The following FAM222A variants were observed in gnomAD, a reference collection of about 807,000 sequenced individuals.
The protein encoded by FAM222A is protein FAM222A.
Under a neutral mutation model 25.8 loss-of-function variants are expected in FAM222A, and 7 were observed. That is an observed-to-expected ratio of 0.27 (90% confidence interval 0.15 to 0.51). FAM222A has a LOEUF of 0.51. FAM222A is among the 20% of genes least tolerant of loss of function. FAM222A has a pLI of 0.97. For missense variants in FAM222A, 573 were observed against 640.5 expected, an observed-to-expected ratio of 0.89 and a Z score of 1.14; for synonymous variants, 294 against 298.8, an observed-to-expected ratio of 0.98 and a Z score of 0.17.
rs571039523 is a variant in FAM222A, at chr12:109,749,671, G to A, written c.82+5443G>A. On this transcript the variant is annotated intron_variant, in intron 2 of 2. Transcript: ENST00000538780. The stretch of plus-strand genomic sequence containing the variant: ...ACTTACCTGTCATGAATAGAGAAAG[G>A]AACTAGACACCTACTGCTAACATGT... 7.2e-5 allele frequency among the ~76,000 whole-genome samples: 11 copies of A among 152,260 alleles called. 1 individual carries two copies. In the South Asian group the frequency reaches 2.3e-3, roughly 32 times the overall value.
In FAM222A at chr12:109,744,211, G is replaced by A; in HGVS notation, c.65G>A (p.Ser22Asn). Reference protein sequence around the residue: ...PGQHLACPSKSLELRKCEAVA... With the variant: ...PGQHLACPSKNLELRKCEAVA... ...CAACACCTGGCCTGCCCGAGCAAGA[G>A]CCTGGAGCTGCGCAAGTGTGAGTAG... The change falls in exon 2 of 3, where the codon AGC (serine) becomes AAC (asparagine). Residue 22 changes from serine to asparagine, a missense_variant. Ser to Asn is a conservative substitution (Grantham distance 46). This residue lies in a region of FAM222A where 112 missense variants were observed against 154.6 expected (regional missense o/e 0.72). Transcript: ENST00000538780. 1.2e-6 allele frequency: 2 copies of A among 1,613,158 alleles called. No homozygotes were observed. Among genetic ancestry groups the A allele is most frequent in the South Asian group, 1.1e-5 (1 of 91,042 alleles).
chr12:109,748,938 CTT>C (rs996595953), intron 2 of FAM222A, among the ~76,000 whole-genome samples: 35 of 152,112 alleles, frequency 2.3e-4, no homozygotes, highest in Admixed American at 1.2e-3. Context: ...TTACATTAAT[CTT>C]TTTTTAAAAA....
At chr12:109,741,734 A>G (rs2136339317) in intron 1 of FAM222A, among the ~76,000 whole-genome samples, 1 of 152,334 alleles carries the variant, frequency 6.6e-6, no homozygotes, top group East Asian at 1.9e-4. Flanking sequence ...AGCCACTGTT[A>G]CAGGCCAGAG....
chr12:109,743,851 G>A (rs935360350), intron 1 of FAM222A: 24 of 985,300 alleles, frequency 2.4e-5, no homozygotes, highest in African/African-American at 7.0e-5. Context: ...GAGCAGGGCC[G>A]GGGCATGTGT....
At chr12:109,715,466 G>A (rs918293886) in intron 1 of FAM222A, among the ~76,000 whole-genome samples, 1 of 152,176 alleles carries the variant, frequency 6.6e-6, no homozygotes, top group African/African-American at 2.4e-5. Context: ...CTTAGCCTCT[G>A]ATGTCACTGG....
intron 1 of FAM222A, among the ~76,000 whole-genome samples, chr12:109,733,158 C>T (rs1887988469): frequency 6.6e-6 from 1 of 152,080 alleles, no homozygotes; most frequent in African/African-American, 2.4e-5. Context: ...GTTGCACTGT[C>T]CACAGGTGGC....
intron 2 of FAM222A, among the ~76,000 whole-genome samples, chr12:109,751,310 G>T (rs1279820883): frequency 6.6e-6 from 1 of 151,736 alleles, no homozygotes; most frequent in African/African-American, 2.4e-5. Context: ...TGAAATACTT[G>T]TCTATGATCT....
In FAM222A at chr12:109,745,084, G is replaced by A. The variant is rs373108776; in HGVS notation, c.82+856G>A. On this transcript the variant is annotated intron_variant, in intron 2 of 2. Transcript: ENST00000538780. ...ACATATTCATGTTATGCAACACTTGGAGGAAGGAAGGGGTATATAGACAAA... is the reference window on the plus strand; with the variant it reads ...ACATATTCATGTTATGCAACACTTGAAGGAAGGAAGGGGTATATAGACAAA... Among the ~76,000 whole-genome samples the A allele has an allele frequency of 2.6e-5, 4 of 152,158 alleles. No homozygotes were observed. In the East Asian group the frequency reaches 5.8e-4, roughly 22 times the overall value.
chr12:109,720,020 C>T, intron 1 of FAM222A: 3 of 888,012 alleles, frequency 3.4e-6, no homozygotes, highest in Non-Finnish European at 4.0e-6. Flanking sequence ...TCAGGAGAGT[C>T]TCAACAGCTT....
intron 2 of FAM222A, among the ~76,000 whole-genome samples, chr12:109,754,921 T>G (rs1408175809): frequency 6.6e-6 from 1 of 152,198 alleles, no homozygotes; most frequent in Non-Finnish European, 1.5e-5. Context: ...TCCTCCTGCC[T>G]CAGCCTCCCA....
chr12:109,727,910 G>A (rs1387755577), intron 1 of FAM222A, among the ~76,000 whole-genome samples: 3 of 152,166 alleles, frequency 2.0e-5, no homozygotes, highest in African/African-American at 4.8e-5. Context: ...CAATCGTGGC[G>A]GGACTCTGGG....
chr12:109,753,914 G>A (rs1418421817), intron 2 of FAM222A, among the ~76,000 whole-genome samples: 1 of 152,196 alleles, frequency 6.6e-6, no homozygotes, highest in Non-Finnish European at 1.5e-5. Flanking sequence ...ATTGCTGAGT[G>A]CAGCCTGAGG....
At chr12:109,745,457 T>C (rs1888373403) in intron 2 of FAM222A, among the ~76,000 whole-genome samples, 1 of 152,182 alleles carries the variant, frequency 6.6e-6, no homozygotes, top group African/African-American at 2.4e-5. Context: ...GCAGGGTACA[T>C]TTCTGGAAGT....
chr12:109,758,700 A>C (rs1273742440), intron 2 of FAM222A, among the ~76,000 whole-genome samples: 2 of 152,102 alleles, frequency 1.3e-5, no homozygotes, highest in Non-Finnish European at 2.9e-5. Flanking sequence ...CCAGCTAATT[A>C]GTGTCACGTT....
Position 109,768,942 on chromosome 12 carries a change from G to C in FAM222A, c.1013G>C (p.Ser338Thr). The change falls in exon 3 of 3, where the codon AGC (serine) becomes ACC (threonine). Residue 338 changes from serine (S) to threonine (T), a missense_variant. Ser to Thr is a moderately conservative substitution (Grantham distance 58). This residue lies in a region of FAM222A where 412 missense variants were observed against 407.0 expected (regional missense o/e 1.01). Transcript: ENST00000538780. ...PLNCGVGLPT[S>T]FTVGQYFAAP... Reference sequence around the variant, plus strand: ...AACTGTGGCGTGGGGCTGCCCACCAGCTTCACCGTAGGCCAGTACTTTGCG... The same window carrying C: ...AACTGTGGCGTGGGGCTGCCCACCACCTTCACCGTAGGCCAGTACTTTGCG... 6.4e-7 allele frequency: 1 copy of C among 1,574,620 alleles called. No homozygotes were observed. The highest frequency in any genetic ancestry group is 1.1e-5 in the South Asian group (1 of 87,360).
chr12:109,755,672 G>T (rs1237658314), intron 2 of FAM222A, among the ~76,000 whole-genome samples: 1 of 152,152 alleles, frequency 6.6e-6, no homozygotes, highest in Non-Finnish European at 1.5e-5. Context: ...ATGAGGAAAG[G>T]ATCCGACTTC....
chr12:109,739,011 A>G (rs766875325), intron 1 of FAM222A, among the ~76,000 whole-genome samples: 1 of 152,218 alleles, frequency 6.6e-6, no homozygotes, highest in Non-Finnish European at 1.5e-5. Flanking sequence ...GTTGGACACC[A>G]GGAAGGGCCT....
intron 1 of FAM222A, among the ~76,000 whole-genome samples, chr12:109,733,319 A>G (rs940317116): frequency 3.9e-5 from 6 of 152,348 alleles, no homozygotes; most frequent in Admixed American, 2.6e-4. Context: ...TTTTGGATCT[A>G]TTGGGTGAAG....
chr12:109,753,157 G>A (rs1274318044), intron 2 of FAM222A, among the ~76,000 whole-genome samples: 1 of 152,216 alleles, frequency 6.6e-6, no homozygotes, highest in Non-Finnish European at 1.5e-5. Flanking sequence ...GTGGGGGCCT[G>A]TGGCGAGGTG....
Sources: gnomAD v4.1 joint callset for allele counts (sites outside exome capture counted in the v4.1 genomes callset) on GRCh38, gnomAD v4.1.1 for gene constraint, gnomAD v4.1.1 regional missense constraint, MANE v1.5 for transcripts, NCBI Gene and HGNC (gene_info 2026-07-23, HGNC 2026-07-21) for gene names.